Variants in ARHGAP6 observed in about 807,000 individuals in gnomAD.
The protein encoded by ARHGAP6 is Rho GTPase activating protein 6.
ARHGAP6 carries 16 observed loss-of-function variants against 55.7 expected under a neutral mutation model. The observed-to-expected ratio is 0.29, with a 90% CI of 0.19 to 0.44. The LOEUF (loss-of-function observed/expected upper bound fraction) is 0.44, where lower values mean the gene tolerates loss of function less well. Ranked by LOEUF, ARHGAP6 falls within the 20% of genes least tolerant of loss-of-function variation. The pLI is 1.00. For missense variants in ARHGAP6, 698 were observed against 808.9 expected, an observed-to-expected ratio of 0.86 and a Z score of 1.66; for synonymous variants, 382 against 360.9, an observed-to-expected ratio of 1.06 and a Z score of -0.66.
At chrX:11,323,866 C>CAA (rs61462099) in intron 1 of ARHGAP6, among the ~76,000 whole-genome samples, 49 of 40,215 alleles carry the variant, frequency 1.2e-3, no homozygotes, top group Non-Finnish European at 1.7e-3. Context: ...ACCCCCATTT[C>CAA]AAAAAAAAAA....
chrX:11,277,477 G>C (rs370649406), intron 1 of ARHGAP6, among the ~76,000 whole-genome samples: 2 of 111,085 alleles, frequency 1.8e-5, no homozygotes, highest in African/African-American at 6.5e-5. Flanking sequence ...CAAATAGCAA[G>C]ATTCAAACAC....
At chrX:11,626,625 T>C (rs1420442078) in intron 1 of ARHGAP6, among the ~76,000 whole-genome samples, 1 of 111,667 alleles carries the variant, frequency 9.0e-6, no homozygotes, top group Non-Finnish European at 1.9e-5. Flanking sequence ...ATTAGTAACT[T>C]ACACATGAAA....
chrX:11,449,492 C>A (rs901262765), intron 1 of ARHGAP6, among the ~76,000 whole-genome samples: 1 of 112,142 alleles, frequency 8.9e-6, no homozygotes, highest in Non-Finnish European at 1.9e-5. Flanking sequence ...TAGGCTCGAG[C>A]TCTAAAGTCA....
chrX:11,350,613 G>A (rs2048850168), intron 1 of ARHGAP6, among the ~76,000 whole-genome samples: 1 of 112,221 alleles, frequency 8.9e-6, no homozygotes, highest in Non-Finnish European at 1.9e-5. Flanking sequence ...CTTTAAAATT[G>A]TTACTCACTT....
At chrX:11,201,844 C>CCACA (rs2046626488) in intron 2 of ARHGAP6, among the ~76,000 whole-genome samples, 1 of 111,389 alleles carries the variant, frequency 9.0e-6, no homozygotes, top group Admixed American at 9.6e-5. Flanking sequence ...GTCCCTCCCA[C>CCACA]CACACATGGG....
At chrX:11,483,651 T>C (rs1013503578) in intron 1 of ARHGAP6, among the ~76,000 whole-genome samples, 10 of 111,348 alleles carry the variant, frequency 9.0e-5, no homozygotes, top group Non-Finnish European at 1.9e-4. Flanking sequence ...AATGTTTTTT[T>C]TTTTTCTTTT....
At chrX:11,261,204 C>A (rs187280367) in intron 1 of ARHGAP6, among the ~76,000 whole-genome samples, 3 of 111,416 alleles carry the variant, frequency 2.7e-5, no homozygotes, top group South Asian at 3.8e-4. Context: ...CAAGAAAAAC[C>A]CATGCCAGTA....
intron 1 of ARHGAP6, among the ~76,000 whole-genome samples, chrX:11,496,081 C>A (rs975918634): frequency 8.9e-6 from 1 of 112,322 alleles, no homozygotes; most frequent in African/African-American, 3.2e-5. Context: ...AGGCTGCCAC[C>A]TTAACTGCAG....
chrX:11,316,146 T>G (rs1041157370), intron 1 of ARHGAP6, among the ~76,000 whole-genome samples: 1 of 112,087 alleles, frequency 8.9e-6, no homozygotes, highest in African/African-American at 3.2e-5. Context: ...TGGTTCCATC[T>G]TGGTCCAAGC....
At chrX:11,146,652 T>C (rs941884534) in intron 10 of ARHGAP6, among the ~76,000 whole-genome samples, 1 of 112,381 alleles carries the variant, frequency 8.9e-6, no homozygotes, top group African/African-American at 3.2e-5. Context: ...TGTACTAAGC[T>C]ACTGTTAACA....
chrX:11,491,369 C>G, intron 1 of ARHGAP6, among the ~76,000 whole-genome samples: 1 of 109,853 alleles, frequency 9.1e-6, no homozygotes, highest in African/African-American at 3.3e-5. Flanking sequence ...CCCACTCCCC[C>G]CACCCCACAA....
At chrX:11,634,170 T>A (rs998935021) in intron 1 of ARHGAP6, among the ~76,000 whole-genome samples, 1 of 109,348 alleles carries the variant, frequency 9.1e-6, no homozygotes, top group African/African-American at 3.3e-5. Flanking sequence ...CCCAGCTGAT[T>A]TTTCTTTAAT....
chrX:11,505,653 T>C (rs1384933147), intron 1 of ARHGAP6, among the ~76,000 whole-genome samples: 1 of 111,764 alleles, frequency 8.9e-6, no homozygotes, highest in East Asian at 2.8e-4. Flanking sequence ...TCAACCTAAA[T>C]GCCCATCAAT....
At chrX:11,572,080 G>A (rs951526267) in intron 1 of ARHGAP6, among the ~76,000 whole-genome samples, 2 of 111,417 alleles carry the variant, frequency 1.8e-5, no homozygotes, top group African/African-American at 6.5e-5. Flanking sequence ...AACACCTGTT[G>A]AATAGGGCTC....
At chrX:11,197,050 C>G (rs1280594927) in intron 2 of ARHGAP6, 54 bp from the exon 3 acceptor site, 3 of 611,501 alleles carry the variant, frequency 4.9e-6, no homozygotes, top group Non-Finnish European at 7.9e-6. Flanking sequence ...TGATATTTTA[C>G]AGTATCGATA....
intron 1 of ARHGAP6, among the ~76,000 whole-genome samples, chrX:11,384,874 C>T (rs189857406): frequency 2.7e-5 from 3 of 111,110 alleles, no homozygotes; most frequent in East Asian, 2.8e-4. Flanking sequence ...CTGGTTTTAG[C>T]GCTGAAAAGT....
intron 1 of ARHGAP6, among the ~76,000 whole-genome samples, chrX:11,557,578 A>C (rs139425397): frequency 0.01 from 1,156 of 112,041 alleles, 5 homozygotes; most frequent in Non-Finnish European, 0.017. Context: ...GAACAAAATC[A>C]TTTCAGGAAC....
chrX:11,568,004 C>T (rs913606744), intron 1 of ARHGAP6, among the ~76,000 whole-genome samples: 1 of 111,642 alleles, frequency 9.0e-6, no homozygotes, highest in African/African-American at 3.3e-5. Context: ...GCCATTAACA[C>T]CCAGGCAATT....
At chrX:11,559,757 C>T (rs1474559892) in intron 1 of ARHGAP6, among the ~76,000 whole-genome samples, 1 of 108,963 alleles carries the variant, frequency 9.2e-6, no homozygotes, top group African/African-American at 3.3e-5. Flanking sequence ...GAAACCCCAT[C>T]TCTACTAAAA....
Sources: gnomAD v4.1 joint callset for allele counts (sites outside exome capture counted in the v4.1 genomes callset) on GRCh38, gnomAD v4.1.1 for gene constraint, MANE v1.5 for transcripts, NCBI Gene and HGNC (gene_info 2026-07-23, HGNC 2026-07-21) for gene names.